Variants in SIM2 observed in about 807,000 individuals in gnomAD.
The protein encoded by SIM2 is SIM bHLH transcription factor 2.
Under a neutral mutation model 64.8 loss-of-function variants are expected in SIM2, and 28 were observed. That is an observed-to-expected ratio of 0.43 (90% CI 0.32 to 0.59). The LOEUF (loss-of-function observed/expected upper bound fraction) is 0.59, where lower values mean the gene tolerates loss of function less well. Ranked by LOEUF, SIM2 falls within the 20% of genes least tolerant of loss-of-function variation. The pLI, the probability that SIM2 is intolerant of heterozygous loss-of-function variation, is 0.07. For missense variants in SIM2, 847 were observed against 871.4 expected (o/e 0.97, Z 0.35); for synonymous variants, 408 against 391.1 (o/e 1.04, Z -0.51).
chr21:36,714,060 A>C (rs1294296355), intron 3 of SIM2, among the ~76,000 whole-genome samples: 1 of 152,222 alleles, frequency 6.6e-6, no homozygotes, highest in Non-Finnish European at 1.5e-5. Context: ...GCAAAAGTAA[A>C]TGCGGTCTTT....
chr21:36,726,772 G>GA lies in SIM2; in HGVS notation c.743+456dup, dbSNP rs1176496016. 6.6e-6 allele frequency among the ~76,000 whole-genome samples: 1 copy of GA among 152,162 alleles called. No individual in the cohort carries two copies. The highest frequency in any genetic ancestry group is 2.4e-5 in the African/African-American group (1 of 41,442). On this transcript the variant is annotated intron_variant, in intron 6 of 10. Coordinates refer to ENST00000290399, the MANE Select transcript of SIM2 (RefSeq NM_005069.6). This position sits in a 1 kb window ranked among gnomAD's most constrained non-coding sequence, Gnocchi z 4.5. Reference sequence around the variant, plus strand: ...GGGGCCTTGGCACTCAGGCTGGTGTGAAGCCACCACAGGGCTGAGGCTGGG... The same window carrying GA: ...GGGGCCTTGGCACTCAGGCTGGTGTGAAAGCCACCACAGGGCTGAGGCTGGG...
intron 7 of SIM2, among the ~76,000 whole-genome samples, chr21:36,734,453 A>G (rs1306134399): frequency 6.6e-6 from 1 of 152,214 alleles, no homozygotes; most frequent in Non-Finnish European, 1.5e-5. Context: ...CAAGATTGAC[A>G]GTGATTGCTA....
At chr21:36,725,869 C>T (rs558312543) in intron 5 of SIM2, among the ~76,000 whole-genome samples, 2 of 152,334 alleles carry the variant, frequency 1.3e-5, no homozygotes, top group Non-Finnish European at 1.5e-5. Flanking sequence ...AATCCCCCGA[C>T]CTCGGCCTCC....
rs1601678904 is a variant in SIM2 at position 36,699,606 on chromosome 21, C to T, written c.-141C>T. 7.0e-6 allele frequency: 6 copies of T among 859,964 alleles called. No individual in the cohort carries two copies. In the South Asian group the frequency reaches 8.5e-5, roughly 12 times the overall value. 53.3% of individuals were successfully genotyped at this position (859,964 alleles called of 1,614,324 possible). Reference sequence around the variant, plus strand: ...GGAGGCGTCTCGGAACCCCGGGAGGCCCCCCGCACCTGCCCGCGGCCCACT... The same window carrying T: ...GGAGGCGTCTCGGAACCCCGGGAGGTCCCCCGCACCTGCCCGCGGCCCACT... On this transcript the variant is annotated 5_prime_UTR_variant, in exon 1 of 11. Coordinates refer to ENST00000290399, the MANE Select transcript of SIM2 (RefSeq NM_005069.6). This position sits in a 1 kb window ranked among gnomAD's most constrained non-coding sequence, Gnocchi z 5.6.
intron 4 of SIM2, chr21:36,720,164 T>C (rs891753733): frequency 3.9e-5 from 20 of 518,080 alleles, no homozygotes; most frequent in African/African-American, 3.6e-4. Flanking sequence ...CCGTGTTGAG[T>C]GCTAGGTAGA....
Position 36,726,276 on chromosome 21 carries a change from T to C in SIM2, c.701T>C (p.Phe234Ser). The C allele has an allele frequency of 6.2e-7, 1 of 1,613,742 alleles. No individual in the cohort carries two copies. The highest frequency in any genetic ancestry group is 8.5e-7 in the Non-Finnish European group (1 of 1,180,032). Residue 234 changes from phenylalanine to serine, a missense_variant, in exon 6 of 11, where the codon TTC becomes TCC. Coordinates refer to ENST00000290399, the MANE Select transcript of SIM2 (RefSeq NM_005069.6). The surrounding 1 kb of genome is among the most constrained non-coding windows in gnomAD (Gnocchi z 4.5). ...EIKLYSNMFM[F>S]RASLDLKLIF... ...AAGCTGTACAGTAACATGTTCATGT[T>C]CAGGGCCAGCCTTGACCTGAAGCTG...
In SIM2 at chr21:36,726,040, T is replaced by G; in HGVS notation, c.544-79T>G. The G allele has an allele frequency of 1.7e-6, 2 of 1,191,188 alleles. No homozygotes were observed. The highest frequency in any genetic ancestry group is 4.7e-5 in the East Asian group (2 of 42,634). The allele number at this position is 1,191,188 out of a possible 1,614,324, so 73.8% of individuals were successfully genotyped here. A position where few individuals can be genotyped will look rare whatever the true frequency, so the allele number is the denominator to read the frequency against. ...TGGGCTGGGAGATATTCTAGCATGT[T>G]TGAGAAAATGAGCCAGGAGGAGTGG... is the stretch of plus-strand genomic sequence containing the variant. On this transcript the variant is annotated intron_variant, in intron 5 of 10. Coordinates refer to ENST00000290399, the MANE Select transcript of SIM2 (RefSeq NM_005069.6). The surrounding 1 kb of genome is among the most constrained non-coding windows in gnomAD (Gnocchi z 4.5).
chr21:36,729,731 C>G (rs1396638791), intron 6 of SIM2, among the ~76,000 whole-genome samples: 2 of 151,800 alleles, frequency 1.3e-5, no homozygotes, highest in Non-Finnish European at 2.9e-5. Flanking sequence ...TCTTGAAAAT[C>G]TATCACCAAG....
In SIM2 at chr21:36,699,548, G is replaced by A; in HGVS notation, c.-199G>A. ...CCGGGCAGCGGCGGGCGGCGCCGCC[G>A]GGTTGCTCGGAGCTCAGGCCCGGCG... is the stretch of plus-strand genomic sequence containing the variant. On this transcript the variant is annotated 5_prime_UTR_variant, in exon 1 of 11. Transcript: ENST00000290399. The surrounding 1 kb of genome is among the most constrained non-coding windows in gnomAD (Gnocchi z 5.6). 3 of 417,016 alleles carry A rather than the reference G, an allele frequency of 7.2e-6. No individual in the cohort carries two copies. Among genetic ancestry groups the A allele is most frequent in the Non-Finnish European group, 1.3e-5 (3 of 239,870 alleles). The allele number at this position is 417,016 out of a possible 1,614,324, so 25.8% of individuals were successfully genotyped here.
In SIM2 at chr21:36,712,593, A is replaced by G. The variant is rs2088692246; in HGVS notation, c.319A>G (p.Thr107Ala). 1 of 1,613,422 alleles carries G rather than the reference A, an allele frequency of 6.2e-7. No individual in the cohort carries two copies. Among genetic ancestry groups the G allele is most frequent in the Admixed American group, 1.7e-5 (1 of 59,932 alleles). Residue 107 changes from threonine (T) to alanine (A), a missense_variant, in exon 3 of 11, where the codon ACC becomes GCC. Transcript: ENST00000290399. Reference sequence around the variant, plus strand: ...TGGCAAAATCATGTATATATCCGAGACCGCTTCTGTCCATTTAGGCTTATC... The same window carrying G: ...TGGCAAAATCATGTATATATCCGAGGCCGCTTCTGTCCATTTAGGCTTATC... ...SDGKIMYISE[T>A]ASVHLGLSQV... is the part of the protein sequence containing the mutation.
chr21:36,731,349 G>A (rs1005911514), intron 7 of SIM2, among the ~76,000 whole-genome samples, 198 bp downstream of exon 7: 21 of 152,152 alleles, frequency 1.4e-4, no homozygotes, highest in Admixed American at 9.8e-4. Flanking sequence ...GCAGCCACGC[G>A]CACCCTTTCA....
chr21:36,715,127 A>G (rs1400934161), intron 3 of SIM2, among the ~76,000 whole-genome samples: 2 of 152,218 alleles, frequency 1.3e-5, no homozygotes, highest in Non-Finnish European at 2.9e-5. Flanking sequence ...ATCAGTTCAC[A>G]GCTACAAAAA....
intron 8 of SIM2, 118 bp downstream of exon 8, chr21:36,741,982 GTTTTTTTTCTT>G (rs1258792969): frequency 9.4e-7 from 1 of 1,062,846 alleles, no homozygotes; most frequent in African/African-American, 1.7e-5. Context: ...TTTGTCTTCT[GTTTTTTTTCTT>G]TTTTTTAATT....
intron 10 of SIM2, chr21:36,746,324 AG>A (rs1355711947): frequency 1.3e-5 from 2 of 151,974 alleles, no homozygotes; most frequent in African/African-American, 4.9e-5. Flanking sequence ...AAAAAAAAAA[AG>A]AAAAAGAAAA....
intron 4 of SIM2, among the ~76,000 whole-genome samples, chr21:36,721,524 C>T (rs1419234805): frequency 6.6e-6 from 1 of 151,864 alleles, no homozygotes; most frequent in Non-Finnish European, 1.5e-5. Flanking sequence ...ACTGCAACCT[C>T]CACCACCTGG....
At chr21:36,717,481 T>C (rs1226170932) in intron 3 of SIM2, among the ~76,000 whole-genome samples, 1 of 148,720 alleles carries the variant, frequency 6.7e-6, no homozygotes, top group Non-Finnish European at 1.5e-5. Context: ...AGAGTCTTGC[T>C]CTGTCGCCCA....
intron 9 of SIM2, among the ~76,000 whole-genome samples, chr21:36,743,886 T>C (rs1324580175): frequency 6.6e-6 from 1 of 152,256 alleles, no homozygotes; most frequent in Non-Finnish European, 1.5e-5. Context: ...CAGTCCATTG[T>C]ATTTCTGCAG....
At chr21:36,730,517 G>A (rs919056925) in intron 6 of SIM2, among the ~76,000 whole-genome samples, 1 of 152,210 alleles carries the variant, frequency 6.6e-6, no homozygotes, top group Non-Finnish European at 1.5e-5. Context: ...CAGAGTGTTT[G>A]GGATCATGGA....
At chr21:36,718,679 CT>C (rs1294550745) in intron 3 of SIM2, among the ~76,000 whole-genome samples, 1 of 152,188 alleles carries the variant, frequency 6.6e-6, no homozygotes, top group Non-Finnish European at 1.5e-5. Context: ...ACCACTGCCC[CT>C]GGGCCTCCCC....
Sources: allele counts gnomAD v4.1 joint callset (sites outside exome capture counted in the v4.1 genomes callset), GRCh38; gene constraint gnomAD v4.1.1; non-coding constraint Gnocchi (gnomAD v3.1); transcripts MANE v1.5; gene names NCBI Gene and HGNC (gene_info 2026-07-23, HGNC 2026-07-21).